SMARCA5: variants seen among roughly 807,000 people sequenced by gnomAD.
SMARCA5 encodes SWI/SNF-related matrix-associated actin-dependent regulator of chromatin subfamily A member 5.
Under a neutral mutation model 140.4 loss-of-function variants are expected in SMARCA5, and 18 were observed. The observed-to-expected ratio is 0.13, with a 90% confidence interval of 0.09 to 0.19. The LOEUF is 0.19. Ranked by LOEUF, SMARCA5 falls within the 10% of genes least tolerant of loss-of-function variation. The probability of loss-of-function intolerance (pLI) is 1.00; values close to 1 mark genes in which losing one functional copy is unlikely to be tolerated. For synonymous variants in SMARCA5, 449 were observed against 419.6 expected (o/e 1.07, Z -0.86); for missense variants, 606 against 1,276.8 (o/e 0.47, Z 8.01).
intron 6 of SMARCA5, 27 bp from the exon 7 acceptor site, chr4:143,527,841 A>T: frequency 6.3e-7 from 1 of 1,574,922 alleles, no homozygotes; most frequent in Non-Finnish European, 8.6e-7. Context: ...TTTCTACGTG[A>T]TGTAATTTTT....
chr4:143,516,864 A>G (rs1736852080), intron 1 of SMARCA5, among the ~76,000 whole-genome samples: 1 of 151,436 alleles, frequency 6.6e-6, no homozygotes, highest in Non-Finnish European at 1.5e-5. Context: ...CTGTAGTTAG[A>G]GTATTCAATT....
chr4:143,550,414 G>T (rs542427516), intron 23 of SMARCA5, among the ~76,000 whole-genome samples: 2 of 151,686 alleles, frequency 1.3e-5, no homozygotes, highest in Non-Finnish European at 2.9e-5. Context: ...GGTAAATGGG[G>T]TATTTATCAC....
chr4:143,544,954 T>C, intron 17 of SMARCA5, 107 bp downstream of exon 17: 3 of 611,434 alleles, frequency 4.9e-6, no homozygotes, highest in Non-Finnish European at 8.3e-6. Context: ...TTTCTTTTTT[T>C]TTTTTTTTTT....
chr4:143,547,974 G>C lies in SMARCA5; in HGVS notation c.2819G>C (p.Gly940Ala). The change falls in exon 22 of 24, where the codon GGT (glycine) becomes GCT (alanine). Residue 940 changes from glycine (G) to alanine (A), a missense_variant. Gly to Ala is a moderately conservative substitution (Grantham distance 60, BLOSUM62 0). This residue lies in a region of SMARCA5 where 121 missense variants were observed against 227.1 expected (regional missense o/e 0.53). Transcript: ENST00000283131. ...APFHQLRISY[G>A]TNKGKNYTEE... ...TTTCATCAGCTGAGAATATCATATG[G>C]TACTAACAAAGGAAAAAACTATACT... The C allele has an allele frequency of 6.2e-7, 1 of 1,611,114 alleles. No individual in the cohort carries two copies. The highest frequency in any genetic ancestry group is 8.5e-7 in the Non-Finnish European group (1 of 1,178,118).
At chr4:143,527,799 A>T in intron 6 of SMARCA5, 69 bp from the exon 7 acceptor site, 1 of 1,299,312 alleles carries the variant, frequency 7.7e-7, no homozygotes, top group Middle Eastern at 2.0e-4. Flanking sequence ...ATACTAGATT[A>T]CTTGTCATCA....
At position 143,544,730 on chromosome 4, in the gene SMARCA5, G is replaced by T. The variant is rs752306883; in HGVS notation, c.2173-7G>T. The T allele has an allele frequency of 6.5e-7, 1 of 1,533,404 alleles. No homozygotes were observed. Among genetic ancestry groups the T allele is most frequent in the Non-Finnish European group, 9.0e-7 (1 of 1,113,426 alleles). 95.0% of individuals were successfully genotyped at this position (1,533,404 alleles called of 1,614,324 possible). A position where few individuals can be genotyped will look rare whatever the true frequency, so the allele number is the denominator to read the frequency against. ...GTTGGTGATTTGAGTTGTTTCCCATGTGCTAGATTGCATTCACAGAGTGGA... is the reference window on the plus strand; with the variant it reads ...GTTGGTGATTTGAGTTGTTTCCCATTTGCTAGATTGCATTCACAGAGTGGA... On this transcript the variant is annotated splice_region_variant and splice_polypyrimidine_tract_variant and intron_variant, in intron 16 of 23. Coordinates refer to ENST00000283131, the MANE Select transcript of SMARCA5 (RefSeq NM_003601.4).
rs138900669 is a variant in SMARCA5, at chr4:143,523,485, A to G, written c.420-882A>G. 4.7e-4 allele frequency among the ~76,000 whole-genome samples: 72 copies of G among 152,376 alleles called. 3 individuals carry two copies. In the East Asian group the frequency reaches 0.013, roughly 28 times the overall value. On this transcript the variant is annotated intron_variant, in intron 3 of 23. Coordinates refer to ENST00000283131, the MANE Select transcript of SMARCA5 (RefSeq NM_003601.4). ...AGAATTTAAAATTATCTCCCAGTTT[A>G]TGGAGAATAAATAGGGGATGGAAGT...
At chr4:143,534,253 G>T (rs1244122021) in intron 9 of SMARCA5, among the ~76,000 whole-genome samples, 1 of 151,962 alleles carries the variant, frequency 6.6e-6, no homozygotes. Flanking sequence ...AGGTAGTCTG[G>T]AACTGAGCCT....
At chr4:143,518,770 A>G (rs943261762) in intron 2 of SMARCA5, among the ~76,000 whole-genome samples, 2 of 152,164 alleles carry the variant, frequency 1.3e-5, no homozygotes, top group Non-Finnish European at 2.9e-5. Flanking sequence ...TCAAACTTAG[A>G]GAAAAAATAG....
chr4:143,538,896 G>A lies in SMARCA5; in HGVS notation c.1728G>A (p.Leu576=). 3 of 1,614,036 alleles carry A rather than the reference G, an allele frequency of 1.9e-6. No homozygotes were observed. The highest frequency in any genetic ancestry group is 2.5e-6 in the Non-Finnish European group (3 of 1,179,986). Residue 576 remains leucine (L), a synonymous_variant, in exon 13 of 24, where the codon TTG becomes TTA. Coordinates refer to ENST00000283131, the MANE Select transcript of SMARCA5 (RefSeq NM_003601.4). The stretch of plus-strand genomic sequence containing the variant: ...TTGCGACTGCTGATGTAGTAATTTT[G>A]TATGATTCTGATTGGAATCCCCAAG... The part of the protein sequence containing the change: ...INLATADVVI[L]YDSDWNPQVD...
intron 6 of SMARCA5, among the ~76,000 whole-genome samples, chr4:143,527,653 C>A (rs1273881108): frequency 6.6e-6 from 1 of 152,094 alleles, no homozygotes; most frequent in South Asian, 2.1e-4. Flanking sequence ...TTAACTTTGT[C>A]AGTTTTTTAA....
Position 143,547,998 on chromosome 4 carries a change from C to T in SMARCA5, c.2843C>T (p.Thr948Ile). Reference sequence around the variant, plus strand: ...GGTACTAACAAAGGAAAAAACTATACTGAAGAAGAAGATCGTTTTCTGATT... The same window carrying T: ...GGTACTAACAAAGGAAAAAACTATATTGAAGAAGAAGATCGTTTTCTGATT... ...SYGTNKGKNY[T>I]EEEDRFLICM... The change falls in exon 22 of 24, where the codon ACT (threonine) becomes ATT (isoleucine). Residue 948 changes from threonine (T) to isoleucine (I), a missense_variant. Physicochemically the swap from Thr to Ile is moderately conservative, Grantham distance 89. Coordinates refer to ENST00000283131, the MANE Select transcript of SMARCA5 (RefSeq NM_003601.4). The T allele has an allele frequency of 6.2e-7, 1 of 1,610,940 alleles. No individual in the cohort carries two copies. The highest frequency in any genetic ancestry group is 8.5e-7 in the Non-Finnish European group (1 of 1,177,448).
intron 19 of SMARCA5, 108 bp downstream of exon 19, chr4:143,546,155 A>C (rs188862403): frequency 7.3e-5 from 57 of 775,548 alleles, no homozygotes; most frequent in Non-Finnish European, 1.0e-4. Flanking sequence ...TTAAAGATGG[A>C]ATAATTGGAG....
intron 19 of SMARCA5, 70 bp downstream of exon 19, chr4:143,546,117 G>A: frequency 1.0e-5 from 12 of 1,186,450 alleles, no homozygotes; most frequent in South Asian, 1.9e-5. Context: ...TTATGTTGGG[G>A]CATAAAAATA....
In SMARCA5 at chr4:143,513,847, C is replaced by T. The variant is rs1284888668; in HGVS notation, c.-78C>T. 1 of 1,447,310 alleles carries T rather than the reference C, an allele frequency of 6.9e-7. No homozygotes were observed. Among genetic ancestry groups the T allele is most frequent in the African/African-American group, 1.4e-5 (1 of 70,148 alleles). The allele number at this position is 1,447,310 out of a possible 1,614,324, so 89.7% of individuals were successfully genotyped here. The stretch of plus-strand genomic sequence containing the variant: ...CCTCCACCAGTTTATTGCGACGTAG[C>T]ATCCAGGCCTAGGCCTCCCCGTCCA... On this transcript the variant is annotated 5_prime_UTR_variant, in exon 1 of 24. Coordinates refer to ENST00000283131, the MANE Select transcript of SMARCA5 (RefSeq NM_003601.4).
In SMARCA5 at chr4:143,514,213, T is replaced by G. The variant is rs555890532; in HGVS notation, c.177+112T>G. The G allele has an allele frequency of 3.1e-4, 298 of 959,394 alleles. 5 individuals carry two copies. The South Asian group carries it at 4.1e-3, about 13-fold the overall frequency. The allele number at this position is 959,394 out of a possible 1,614,324, so 59.4% of individuals were successfully genotyped here. A position where few individuals can be genotyped will look rare whatever the true frequency, so the allele number is the denominator to read the frequency against. On this transcript the variant is annotated intron_variant, in intron 1 of 23. Coordinates refer to ENST00000283131, the MANE Select transcript of SMARCA5 (RefSeq NM_003601.4). ...CCGGGTTTCTCTCTCTGCACCAGAC[T>G]CAGCTTCACACCCTGTGGATACGAA... is the stretch of plus-strand genomic sequence containing the variant.
In SMARCA5 at chr4:143,528,774, T is replaced by C. The variant is rs1301635781; in HGVS notation, c.1089+60T>C. ...ATATTTTGCTTAATGCTATATATTT[T>C]TGTAATAAAAGTGGCCTGCCTTTTA... On this transcript the variant is annotated intron_variant, in intron 8 of 23. Transcript: ENST00000283131. The C allele has an allele frequency of 1.4e-5, 21 of 1,515,548 alleles. No individual in the cohort carries two copies. In the East Asian group the frequency reaches 4.8e-4, roughly 35 times the overall value. 93.9% of individuals were successfully genotyped at this position (1,515,548 alleles called of 1,614,324 possible).
At position 143,536,696 on chromosome 4, in the gene SMARCA5, C is replaced by G. The variant is rs1737311757; in HGVS notation, c.1495+18C>G. 2.0e-6 allele frequency: 3 copies of G among 1,533,168 alleles called. No homozygotes were observed. The highest frequency in any genetic ancestry group is 2.7e-6 in the Non-Finnish European group (3 of 1,110,050). 95.0% of individuals were successfully genotyped at this position (1,533,168 alleles called of 1,614,324 possible). The stretch of plus-strand genomic sequence containing the variant: ...AGAACAAGGTATCGGTTACCCGTAT[C>G]AAATTATCAAAACTGTTTTAAAATG... On this transcript the variant is annotated intron_variant, in intron 11 of 23. Coordinates refer to ENST00000283131, the MANE Select transcript of SMARCA5 (RefSeq NM_003601.4).
At chr4:143,550,155 C>CT in intron 23 of SMARCA5, 51 bp downstream of exon 23, 1 of 1,060,460 alleles carries the variant, frequency 9.4e-7, no homozygotes, top group Non-Finnish European at 1.4e-6. Flanking sequence ...TTTCCCCTTT[C>CT]TAAGTATTTA....
Sources: gnomAD v4.1 joint callset for allele counts (sites outside exome capture counted in the v4.1 genomes callset) on GRCh38, gnomAD v4.1.1 for gene constraint, gnomAD v4.1.1 regional missense constraint, MANE v1.5 for transcripts, NCBI Gene and HGNC (gene_info 2026-07-23, HGNC 2026-07-21) for gene names.